Variants in CNTN5 observed in about 807,000 individuals in gnomAD.
CNTN5 encodes contactin 5, also known as contactin-5.
A neutral mutation model predicts 129.1 loss-of-function variants in CNTN5; 77 were observed. The ratio of observed to expected loss-of-function variants is 0.60; its 90% confidence interval spans 0.50 to 0.72. CNTN5 has a LOEUF of 0.72. CNTN5 is among the 30% of genes least tolerant of loss of function. The probability of loss-of-function intolerance (pLI) is 0.00; values close to 1 mark genes in which losing one functional copy is unlikely to be tolerated. For synonymous variants in CNTN5, 509 were observed against 465.6 expected (o/e 1.09, Z -1.20); for missense variants, 1,478 against 1,328.8 (o/e 1.11, Z -1.75).
chr11:99,103,243 C>A (rs1011909555), intron 1 of CNTN5, among the ~76,000 whole-genome samples: 6 of 152,124 alleles, frequency 3.9e-5, no homozygotes, highest in Non-Finnish European at 8.8e-5. Flanking sequence ...CACAGCCAAA[C>A]CATATCAATG....
chr11:99,737,996 G>A (rs1351357954), intron 3 of CNTN5, among the ~76,000 whole-genome samples: 1 of 152,084 alleles, frequency 6.6e-6, no homozygotes, highest in Non-Finnish European at 1.5e-5. Context: ...TTTAGTTGAG[G>A]AAACAAAGTT....
chr11:99,937,538 G>A (rs1042679893), intron 7 of CNTN5, among the ~76,000 whole-genome samples: 2 of 152,192 alleles, frequency 1.3e-5, no homozygotes, highest in African/African-American at 2.4e-5. Flanking sequence ...GGAGATGTGT[G>A]TGCTCAGGCT....
chr11:100,033,424 T>C (rs1381660589), intron 9 of CNTN5, among the ~76,000 whole-genome samples: 1 of 152,198 alleles, frequency 6.6e-6, no homozygotes, highest in Non-Finnish European at 1.5e-5. Context: ...CTTTTCATCT[T>C]TACAAGTATC....
chr11:99,423,070 A>G (rs1242983412), intron 2 of CNTN5, among the ~76,000 whole-genome samples: 2 of 152,218 alleles, frequency 1.3e-5, no homozygotes, highest in Non-Finnish European at 2.9e-5. Context: ...AATACGGCAG[A>G]GAGAGAAATC....
In CNTN5 at chr11:99,494,016, A is replaced by G. The variant is rs552339584; in HGVS notation, c.-70-62129A>G. ...TTTATTAATCTTCTGTTAATCATTTATTATACGAAAAAGAAATATTGCAGA... is the reference window on the plus strand; with the variant it reads ...TTTATTAATCTTCTGTTAATCATTTGTTATACGAAAAAGAAATATTGCAGA... On this transcript the variant is annotated intron_variant, in intron 2 of 24. Transcript: ENST00000524871. Among the ~76,000 whole-genome samples, 24 of 152,278 alleles carry G rather than the reference A, an allele frequency of 1.6e-4. No homozygotes were observed. In the South Asian group the frequency reaches 4.6e-3, roughly 29 times the overall value.
chr11:99,997,437 C>G (rs1939530030), intron 8 of CNTN5, among the ~76,000 whole-genome samples: 2 of 152,298 alleles, frequency 1.3e-5, no homozygotes, highest in South Asian at 2.1e-4. Context: ...CACATACACT[C>G]TCCCAAGACT....
Position 99,170,385 on chromosome 11 carries a change from G to A in CNTN5, c.-210+149115G>A, listed in dbSNP as rs139822558. ...AACCAGCAGCAGGCTCTTATGACAG[G>A]TGGGTCTAATCTTGGCTTTGTAATT... On this transcript the variant is annotated intron_variant, in intron 1 of 24. Coordinates refer to ENST00000524871, the MANE Select transcript of CNTN5 (RefSeq NM_014361.4). Among the ~76,000 whole-genome samples the A allele has an allele frequency of 1.4e-3, 209 of 152,272 alleles. 1 individual carries two copies. Among genetic ancestry groups the A allele is most frequent in the African/African-American group, 4.7e-3 (196 of 41,564 alleles).
chr11:99,752,629 C>T (rs541822566), intron 3 of CNTN5, among the ~76,000 whole-genome samples: 81 of 152,174 alleles, frequency 5.3e-4, no homozygotes, highest in South Asian at 3.9e-3. Flanking sequence ...TTACTAAAAA[C>T]GATGTTTTAA....
At chr11:100,145,390 A>C (rs1236016232) in intron 13 of CNTN5, among the ~76,000 whole-genome samples, 2 of 152,114 alleles carry the variant, frequency 1.3e-5, no homozygotes, top group African/African-American at 4.8e-5. Context: ...TTTGCTGCTC[A>C]TTGATCACTA....
chr11:100,310,758 A>T (rs1159453142), intron 21 of CNTN5, among the ~76,000 whole-genome samples: 1 of 151,962 alleles, frequency 6.6e-6, no homozygotes, highest in Non-Finnish European at 1.5e-5. Flanking sequence ...TGTGGTTGCG[A>T]CATGTGAGTA....
chr11:99,251,464 T>C (rs755122340), intron 1 of CNTN5, among the ~76,000 whole-genome samples: 2 of 151,898 alleles, frequency 1.3e-5, no homozygotes, highest in African/African-American at 2.4e-5. Context: ...ATAGAAATAG[T>C]ATCTTCCATA....
chr11:100,253,264 T>A (rs1430511188), intron 16 of CNTN5, among the ~76,000 whole-genome samples: 3 of 152,114 alleles, frequency 2.0e-5, no homozygotes, highest in African/African-American at 7.2e-5. Flanking sequence ...GGATTTACAA[T>A]CACATCCAAA....
Position 99,870,262 on chromosome 11 carries a change from C to T in CNTN5, c.577+25000C>T, listed in dbSNP as rs145336645. Among the ~76,000 whole-genome samples, 6 of 152,046 alleles carry T rather than the reference C, an allele frequency of 3.9e-5. No individual in the cohort carries two copies. The East Asian group carries it at 1.2e-3, about 29-fold the overall frequency. On this transcript the variant is annotated intron_variant, in intron 6 of 24. Coordinates refer to ENST00000524871, the MANE Select transcript of CNTN5 (RefSeq NM_014361.4). The stretch of plus-strand genomic sequence containing the variant: ...ATTTTACCTCCAGGTTGATAATTCT[C>T]CTGTGACAGTGTGAAAGTAATTTTG...
intron 16 of CNTN5, among the ~76,000 whole-genome samples, chr11:100,231,517 CTAGT>C (rs1340619729): frequency 2.6e-5 from 4 of 152,110 alleles, no homozygotes; most frequent in Non-Finnish European, 4.4e-5. Flanking sequence ...ACCGTATACT[CTAGT>C]TAGTTAGACT....
intron 3 of CNTN5, among the ~76,000 whole-genome samples, chr11:99,615,754 CTTGT>C (rs1309743959): frequency 6.8e-6 from 1 of 147,748 alleles, no homozygotes; most frequent in African/African-American, 2.5e-5. Flanking sequence ...TTTTACACAT[CTTGT>C]TTTTTTTTTT....
At chr11:99,430,796 C>T (rs900391277) in intron 2 of CNTN5, among the ~76,000 whole-genome samples, 2 of 152,054 alleles carry the variant, frequency 1.3e-5, no homozygotes, top group African/African-American at 4.8e-5. Flanking sequence ...TTCAAATCTC[C>T]TACTACATAA....
At chr11:99,923,757 G>GTCTATCTATCTATCTGTCTA (rs1949993061) in intron 7 of CNTN5, among the ~76,000 whole-genome samples, 1 of 140,590 alleles carries the variant, frequency 7.1e-6, no homozygotes, top group African/African-American at 2.7e-5. Flanking sequence ...CTATCTGTCT[G>GTCTATCTATCTATCTGTCTA]TCTATCTATC....
chr11:99,830,850 T>C (rs1947117009), intron 4 of CNTN5, among the ~76,000 whole-genome samples: 1 of 152,176 alleles, frequency 6.6e-6, no homozygotes, highest in Non-Finnish European at 1.5e-5. Context: ...TTATTCTCTT[T>C]CAGCACTTAC....
intron 6 of CNTN5, among the ~76,000 whole-genome samples, chr11:99,869,998 C>T (rs1046658179): frequency 1.3e-5 from 2 of 152,100 alleles, no homozygotes; most frequent in African/African-American, 2.4e-5. Flanking sequence ...ACCCTTCCCC[C>T]CTGCCATGCC....
Sources: gnomAD v4.1 joint callset for allele counts (sites outside exome capture counted in the v4.1 genomes callset) on GRCh38, gnomAD v4.1.1 for gene constraint, MANE v1.5 for transcripts, NCBI Gene and HGNC (gene_info 2026-07-23, HGNC 2026-07-21) for gene names.